The following CSMD1 variants were observed in gnomAD, a reference collection of about 807,000 sequenced individuals.
CSMD1 encodes the protein CUB and Sushi multiple domains 1, also known as CUB and sushi domain-containing protein 1.
Under a neutral mutation model 417.5 loss-of-function variants are expected in CSMD1, and 213 were observed. The observed-to-expected ratio is 0.51, with a 90% CI of 0.46 to 0.57. The LOEUF (loss-of-function observed/expected upper bound fraction) is 0.57. CSMD1 is among the 20% of genes least tolerant of loss of function. The pLI, the probability that CSMD1 is intolerant of heterozygous loss-of-function variation, is 0.00. For synonymous variants in CSMD1, 2,862 were observed against 1,736.8 expected (o/e 1.65, Z -16.11); for missense variants, 6,923 against 4,529.7 (o/e 1.53, Z -15.17).
chr8:3,065,701 A>G (rs1465387137), intron 49 of CSMD1, among the ~76,000 whole-genome samples: 4 of 152,218 alleles, frequency 2.6e-5, no homozygotes, highest in Non-Finnish European at 4.4e-5. Flanking sequence ...ACAGAGAAAG[A>G]AAGATGATAG....
intron 48 of CSMD1, among the ~76,000 whole-genome samples, chr8:3,089,633 A>T (rs1012253709): frequency 5.3e-5 from 8 of 152,202 alleles, no homozygotes; most frequent in African/African-American, 1.9e-4. Context: ...AATGCTCAAA[A>T]ATTACTGATG....
intron 3 of CSMD1, among the ~76,000 whole-genome samples, chr8:4,273,863 C>G (rs1438416522): frequency 6.6e-6 from 1 of 152,140 alleles, no homozygotes; most frequent in Non-Finnish European, 1.5e-5. Flanking sequence ...AACATACTTG[C>G]TGTGCTTAAC....
At chr8:4,158,313 G>T (rs947496712) in intron 3 of CSMD1, among the ~76,000 whole-genome samples, 1 of 152,092 alleles carries the variant, frequency 6.6e-6, no homozygotes, top group East Asian at 1.9e-4. Context: ...CTTGGAGGAA[G>T]GATGCAATCA....
intron 9 of CSMD1, among the ~76,000 whole-genome samples, chr8:3,576,454 G>A (rs1400132494): frequency 1.3e-5 from 2 of 151,984 alleles, no homozygotes; most frequent in African/African-American, 4.8e-5. Context: ...TGTGTACCAC[G>A]CTGCAGTCCT....
At chr8:4,936,175 T>C (rs537116109) in intron 1 of CSMD1, among the ~76,000 whole-genome samples, 1 of 152,210 alleles carries the variant, frequency 6.6e-6, no homozygotes, top group African/African-American at 2.4e-5. Flanking sequence ...GAAAATCACA[T>C]TAAGTTGAGA....
At chr8:3,728,143 G>C (rs373206018) in intron 6 of CSMD1, among the ~76,000 whole-genome samples, 1 of 152,174 alleles carries the variant, frequency 6.6e-6, no homozygotes, top group African/African-American at 2.4e-5. Context: ...GACCCAGTGG[G>C]AGATAAATGA....
chr8:4,541,056 G>T (rs1797359908), intron 2 of CSMD1, among the ~76,000 whole-genome samples: 1 of 152,192 alleles, frequency 6.6e-6, no homozygotes, highest in Non-Finnish European at 1.5e-5. Context: ...TCGATTGTTA[G>T]AAACTCTAAG....
chr8:3,040,413 T>TATATAA (rs1554496473), intron 50 of CSMD1, among the ~76,000 whole-genome samples: 26 of 139,800 alleles, frequency 1.9e-4, no homozygotes, highest in Non-Finnish European at 3.4e-4. Context: ...TATATATATA[T>TATATAA]AACAGAAATA....
chr8:4,788,024 T>G, intron 1 of CSMD1: 10 of 1,589,252 alleles, frequency 6.3e-6, no homozygotes, highest in Non-Finnish European at 8.6e-6. Flanking sequence ...AAGAAGTAAC[T>G]CCTGAAGGGC....
At chr8:3,906,702 G>A (rs909390440) in intron 5 of CSMD1, among the ~76,000 whole-genome samples, 1 of 151,020 alleles carries the variant, frequency 6.6e-6, no homozygotes, top group African/African-American at 2.4e-5. Flanking sequence ...GTAAAAAAAT[G>A]TGAATTCATT....
At chr8:4,824,266 A>T (rs1454306996) in intron 1 of CSMD1, among the ~76,000 whole-genome samples, 1 of 152,118 alleles carries the variant, frequency 6.6e-6, no homozygotes, top group Admixed American at 6.6e-5. Flanking sequence ...AAGAAAATAC[A>T]TGAAATACAC....
At chr8:3,717,943 C>G (rs1468812217) in intron 6 of CSMD1, among the ~76,000 whole-genome samples, 6 of 152,232 alleles carry the variant, frequency 3.9e-5, no homozygotes, top group Non-Finnish European at 4.4e-5. Flanking sequence ...TGTTAATCTA[C>G]TAGGCTAAAC....
intron 1 of CSMD1, among the ~76,000 whole-genome samples, chr8:4,961,446 G>T (rs892968543): frequency 6.6e-6 from 1 of 152,096 alleles, no homozygotes; most frequent in African/African-American, 2.4e-5. Flanking sequence ...TCCTCTTCTA[G>T]TTGATTTCCT....
intron 3 of CSMD1, among the ~76,000 whole-genome samples, chr8:4,144,662 G>A (rs931650516): frequency 6.6e-6 from 1 of 150,970 alleles, no homozygotes; most frequent in Non-Finnish European, 1.5e-5. Flanking sequence ...TAATCAGCAG[G>A]ACCTCTATGT....
intron 5 of CSMD1, among the ~76,000 whole-genome samples, chr8:3,790,758 A>T (rs149528887): frequency 1.3e-3 from 203 of 152,342 alleles, no homozygotes; most frequent in African/African-American, 4.3e-3. Flanking sequence ...GACCTTCAGA[A>T]ATAACTGCTG....
intron 3 of CSMD1, among the ~76,000 whole-genome samples, chr8:4,298,365 G>C (rs1012682386): frequency 2.6e-4 from 39 of 152,026 alleles, no homozygotes; most frequent in African/African-American, 7.2e-4. Flanking sequence ...TACTGTAATA[G>C]TTTTTATTTA....
intron 3 of CSMD1, among the ~76,000 whole-genome samples, chr8:4,294,267 T>C (rs1027816602): frequency 6.6e-6 from 1 of 152,130 alleles, no homozygotes; most frequent in African/African-American, 2.4e-5. Flanking sequence ...TGACAAACAA[T>C]CACCTATGAA....
intron 1 of CSMD1, among the ~76,000 whole-genome samples, chr8:4,831,474 T>C (rs1459829436): frequency 1.3e-5 from 2 of 152,230 alleles, no homozygotes; most frequent in African/African-American, 2.4e-5. Flanking sequence ...TTTTACACTA[T>C]CATCTTAGAG....
intron 5 of CSMD1, among the ~76,000 whole-genome samples, chr8:3,795,028 GCT>G (rs1799966797): frequency 6.7e-6 from 1 of 148,878 alleles, no homozygotes; most frequent in Non-Finnish European, 1.5e-5. Context: ...ATCATATATA[GCT>G]ATAGATACAT....
Sources: gnomAD v4.1 joint callset for allele counts (sites outside exome capture counted in the v4.1 genomes callset) on GRCh38, gnomAD v4.1.1 for gene constraint, MANE v1.5 for transcripts, NCBI Gene and HGNC (gene_info 2026-07-23, HGNC 2026-07-21) for gene names.